The following PITRM1 variants were observed in gnomAD, a reference collection of about 807,000 sequenced individuals.
PITRM1 encodes presequence protease, mitochondrial.
PITRM1 carries 100 observed loss-of-function variants against 129.9 expected under a neutral mutation model. The observed-to-expected ratio is 0.77, with a 90% CI of 0.65 to 0.91. The LOEUF is 0.91. Among genes scored for constraint, PITRM1 ranks in the 40% least tolerant of loss-of-function variants. The probability of loss-of-function intolerance (pLI) is 0.00; values close to 1 mark genes in which losing one functional copy is unlikely to be tolerated. For missense variants in PITRM1, 1,471 were observed against 1,318.3 expected (o/e 1.12, Z -1.79); for synonymous variants, 591 against 508.8 (o/e 1.16, Z -2.17).
Position 3,166,295 on chromosome 10 carries a change from G to T in PITRM1, c.352C>A (p.Pro118Thr). The stretch of plus-strand genomic sequence containing the variant: ...ATTTTGAAGAAAGGGTCTCTGCACG[G>T]ATATTTCTGAGACCCACAAAGGACG... ...HTVLCGSQKY[P>T]CRDPFFKMLN... The change falls in exon 4 of 27, where the codon CCG becomes ACG. Residue 118 changes from proline to threonine, a missense_variant. Pro to Thr is a conservative substitution (Grantham distance 38, BLOSUM62 -1). Coordinates refer to ENST00000224949, the MANE Select transcript of PITRM1 (RefSeq NM_014889.4). 6.2e-7 allele frequency: 1 copy of T among 1,613,164 alleles called. No individual in the cohort carries two copies. The highest frequency in any genetic ancestry group is 1.1e-5 in the South Asian group (1 of 91,064).
intron 2 of PITRM1, 66 bp downstream of exon 2, chr10:3,170,036 TAC>T: frequency 8.2e-7 from 1 of 1,213,850 alleles, no homozygotes; most frequent in African/African-American, 1.5e-5. Context: ...AAGGGCTCCG[TAC>T]ATAGGCCAGA....
Position 3,147,257 on chromosome 10 carries a change from C to CAG in PITRM1, c.2236-9_2236-8dup. The CAG allele has an allele frequency of 6.2e-7, 1 of 1,602,742 alleles. No homozygotes were observed. The highest frequency in any genetic ancestry group is 1.1e-5 in the South Asian group (1 of 90,624). ...TCCTCTTCATCAGCCGCACCTAAGC[C>CAG]AGAGGAAACTCGCTCAGAGAGAGGC... On this transcript the variant is annotated splice_polypyrimidine_tract_variant and splice_region_variant and intron_variant, in intron 19 of 26. Transcript: ENST00000224949.
In PITRM1 at chr10:3,147,789, TTCAGTATCA is replaced by T. The variant is rs1841056927; in HGVS notation, c.2070-61_2070-53del. 2.7e-6 allele frequency: 4 copies of T among 1,481,640 alleles called. No homozygotes were observed. The African/African-American group carries it at 4.2e-5, about 16-fold the overall frequency. 91.8% of individuals were successfully genotyped at this position (1,481,640 alleles called of 1,614,324 possible). A position where few individuals can be genotyped will look rare whatever the true frequency, so the allele number is the denominator to read the frequency against. On this transcript the variant is annotated intron_variant, in intron 18 of 26. Coordinates refer to ENST00000224949, the MANE Select transcript of PITRM1 (RefSeq NM_014889.4). ...CCTGGAGACCCATTCCTCACGTCCCTTCAGTATCATGGAAAGTTGATTAAGTTTTCAGAG... is the reference window on the plus strand; with the variant it reads ...CCTGGAGACCCATTCCTCACGTCCCTTGGAAAGTTGATTAAGTTTTCAGAG...
At chr10:3,171,317 C>T (rs1843335301) in intron 1 of PITRM1, among the ~76,000 whole-genome samples, 2 of 139,004 alleles carry the variant, frequency 1.4e-5, no homozygotes, top group African/African-American at 5.5e-5. Context: ...ATTGTCAGAA[C>T]GCATAAAAAT....
chr10:3,166,895 T>C, intron 3 of PITRM1, 41 bp downstream of exon 3: 1 of 1,216,048 alleles, frequency 8.2e-7, no homozygotes, highest in Non-Finnish European at 1.2e-6. Flanking sequence ...CTGATTTAAA[T>C]AAAAACATTC....
At chr10:3,157,767 G>C (rs1490494060) in intron 11 of PITRM1, among the ~76,000 whole-genome samples, 1 of 152,186 alleles carries the variant, frequency 6.6e-6, no homozygotes, top group Non-Finnish European at 1.5e-5. Context: ...AGCCTGGTAG[G>C]GGAGGAAAAT....
intron 1 of PITRM1, chr10:3,172,135 G>C (rs767542573): frequency 1.1e-4 from 49 of 454,650 alleles, no homozygotes; most frequent in Admixed American, 1.2e-4. Context: ...CTCATGCCAC[G>C]GACGCCCCGT....
intron 25 of PITRM1, chr10:3,138,613 C>A: frequency 5.0e-6 from 3 of 604,250 alleles, no homozygotes; most frequent in Non-Finnish European, 2.9e-6. Context: ...CAGAGAGTAA[C>A]GTGGCCATGC....
chr10:3,166,426 T>G, intron 3 of PITRM1, 46 bp from the exon 4 acceptor site: 2 of 441,656 alleles, frequency 4.5e-6, no homozygotes, highest in South Asian at 5.3e-5. Context: ...AGCTTAGTGC[T>G]GCGGACACAG....
In PITRM1 at chr10:3,165,514, A is replaced by G; in HGVS notation, c.432T>C (p.Thr144=). The change falls in exon 5 of 27, where the codon ACT becomes ACC. Residue 144 remains threonine, a synonymous_variant. Coordinates refer to ENST00000224949, the MANE Select transcript of PITRM1 (RefSeq NM_014889.4). ...FMNAFTASDY[T]LYPFSTQNPK... Reference sequence around the variant, plus strand: ...GATTTTGTGTGGAAAATGGATACAGAGTATAATCACTAGCTGGGTACAAAT... The same window carrying G: ...GATTTTGTGTGGAAAATGGATACAGGGTATAATCACTAGCTGGGTACAAAT... The G allele has an allele frequency of 6.3e-7, 1 of 1,589,454 alleles. No homozygotes were observed. The highest frequency in any genetic ancestry group is 8.6e-7 in the Non-Finnish European group (1 of 1,158,078).
chr10:3,164,862 T>TC (rs1383315970), intron 6 of PITRM1, among the ~76,000 whole-genome samples: 2 of 152,182 alleles, frequency 1.3e-5, no homozygotes, highest in Non-Finnish European at 2.9e-5. Context: ...GAAGCTGGAC[T>TC]CCCCCATTTG....
In PITRM1 at chr10:3,137,890, GTTT is replaced by G; in HGVS notation, c.*138_*140del. 1 of 615,028 alleles carries G rather than the reference GTTT, an allele frequency of 1.6e-6. No individual in the cohort carries two copies. Among genetic ancestry groups the G allele is most frequent in the Non-Finnish European group, 2.9e-6 (1 of 345,986 alleles). 38.1% of individuals were successfully genotyped at this position (615,028 alleles called of 1,614,324 possible). A position where few individuals can be genotyped will look rare whatever the true frequency, so the allele number is the denominator to read the frequency against. ...CTGGTCACTCTTAAGATAGATCTGA[GTTT>G]TTGACTCGCCAGTCAAGGGCTTTGG... On this transcript the variant is annotated 3_prime_UTR_variant, in exon 27 of 27. Transcript: ENST00000224949.
chr10:3,138,654 TA>T, intron 25 of PITRM1: 1 of 623,042 alleles, frequency 1.6e-6, no homozygotes, highest in Non-Finnish European at 2.9e-6. Context: ...CCTTCCACCC[TA>T]AAGAGCCCGG....
At position 3,165,344 on chromosome 10, in the gene PITRM1, AATC is replaced by A. The variant is rs1174053707; in HGVS notation, c.534-13_534-11del. 6.3e-7 allele frequency: 1 copy of A among 1,595,220 alleles called. No individual in the cohort carries two copies. Among genetic ancestry groups the A allele is most frequent in the South Asian group, 1.1e-5 (1 of 87,546 alleles). On this transcript the variant is annotated splice_polypyrimidine_tract_variant and intron_variant, in intron 5 of 26. Coordinates refer to ENST00000224949, the MANE Select transcript of PITRM1 (RefSeq NM_014889.4). The stretch of plus-strand genomic sequence containing the variant: ...CCGCCATCCTTCCTGCCTGAGGACA[AATC>A]ATTATAAGCTGATAGTGACTCAAAT...
In PITRM1 at chr10:3,143,493, G is replaced by A. The variant is rs1840483797; in HGVS notation, c.2541C>T (p.Thr847=). ...QVIRKLVMEP[T]FKPWQMKTHF... ...GAGTCTTCATCTGCCAGGGCTTGAA[G>A]GTGGGTTCCTGAGGGACACGGTATG... Residue 847 remains threonine (T), a synonymous_variant, in exon 23 of 27, where the codon ACC becomes ACT. Transcript: ENST00000224949. 1 of 1,611,948 alleles carries A rather than the reference G, an allele frequency of 6.2e-7. No individual in the cohort carries two copies. Among genetic ancestry groups the A allele is most frequent in the East Asian group, 2.2e-5 (1 of 44,884 alleles).
In PITRM1 at chr10:3,149,740, A is replaced by T; in HGVS notation, c.1752T>A (p.Pro584=). The change falls in exon 16 of 27, where the codon CCT becomes CCA. Residue 584 remains proline, a synonymous_variant. Transcript: ENST00000224949. ...LDVVLTAGDI[P]VQYCAQPTNG... ...TGGTGGGCTGGGCGCAGTACTGAACAGGGATATCTCCAGCTAGAAAAACAA... is the reference window on the plus strand; with the variant it reads ...TGGTGGGCTGGGCGCAGTACTGAACTGGGATATCTCCAGCTAGAAAAACAA... The T allele has an allele frequency of 6.2e-7, 1 of 1,613,822 alleles. No homozygotes were observed. The highest frequency in any genetic ancestry group is 1.3e-5 in the African/African-American group (1 of 75,058).
intron 14 of PITRM1, among the ~76,000 whole-genome samples, chr10:3,151,908 GTTTA>G (rs1841556482): frequency 6.6e-6 from 1 of 151,760 alleles, no homozygotes. Context: ...GCTGATTTCT[GTTTA>G]TTTTTATTTT....
chr10:3,145,550 G>A (rs182154593), intron 21 of PITRM1, 46 bp downstream of exon 21: 3 of 1,523,272 alleles, frequency 2.0e-6, no homozygotes, highest in African/African-American at 2.8e-5. Flanking sequence ...GAGCTGCTCT[G>A]GCACCCACCA....
intron 1 of PITRM1, among the ~76,000 whole-genome samples, 152 bp downstream of exon 1, chr10:3,172,565 G>T (rs1843479585): frequency 6.6e-6 from 1 of 152,128 alleles, no homozygotes; most frequent in African/African-American, 2.4e-5. Context: ...GGATGCGGGA[G>T]CTCCAGGAAG....
Sources: allele counts gnomAD v4.1 joint callset (sites outside exome capture counted in the v4.1 genomes callset), GRCh38; gene constraint gnomAD v4.1.1; transcripts MANE v1.5; gene names NCBI Gene and HGNC (gene_info 2026-07-23, HGNC 2026-07-21).